Variants in POFUT1 observed in about 807,000 individuals in gnomAD.
POFUT1 encodes the protein protein O-fucosyltransferase 1, also known as GDP-fucose protein O-fucosyltransferase 1.
POFUT1 carries 16 observed loss-of-function variants against 42.4 expected under a neutral mutation model. The ratio of observed to expected loss-of-function variants is 0.38; its 90% CI spans 0.26 to 0.57. The LOEUF (loss-of-function observed/expected upper bound fraction) is 0.57. POFUT1 is among the 20% of genes least tolerant of loss of function. The probability of loss-of-function intolerance (pLI) is 0.71; values close to 1 mark genes in which losing one functional copy is unlikely to be tolerated. For missense variants in POFUT1, 470 were observed against 504.6 expected, an observed-to-expected ratio of 0.93 and a Z score of 0.66; for synonymous variants, 206 against 205.4, an observed-to-expected ratio of 1.00 and a Z score of -0.03.
intron 6 of POFUT1, chr20:32,231,267 C>A: frequency 1.7e-6 from 1 of 581,838 alleles, no homozygotes; most frequent in Non-Finnish European, 3.0e-6. Flanking sequence ...TCCTGGAGCT[C>A]ACGTATCCCT....
chr20:32,209,181 C>G (rs1430614988), intron 1 of POFUT1, among the ~76,000 whole-genome samples: 2 of 152,202 alleles, frequency 1.3e-5, no homozygotes, highest in Non-Finnish European at 2.9e-5. Flanking sequence ...TGCACTGCTG[C>G]AGGTGGCGGT....
At chr20:32,218,274 G>A (rs2047372737) in intron 4 of POFUT1, among the ~76,000 whole-genome samples, 1 of 152,186 alleles carries the variant, frequency 6.6e-6, no homozygotes, top group East Asian at 1.9e-4. Context: ...GCAGCTGGGA[G>A]TGCAGGCATG....
intron 4 of POFUT1, among the ~76,000 whole-genome samples, chr20:32,220,266 T>G (rs1441251387): frequency 2.0e-5 from 3 of 152,270 alleles, no homozygotes; most frequent in Admixed American, 6.5e-5. Flanking sequence ...CTCATGTGGC[T>G]GCAGTCAGCT....
At chr20:32,219,846 A>G (rs746323317) in intron 4 of POFUT1, among the ~76,000 whole-genome samples, 8 of 152,192 alleles carry the variant, frequency 5.3e-5, no homozygotes, top group Non-Finnish European at 1.0e-4. Context: ...AACTGGGCTT[A>G]GCTGGGCAAT....
intron 4 of POFUT1, among the ~76,000 whole-genome samples, chr20:32,219,046 A>G (rs1207004791): frequency 2.0e-5 from 3 of 152,128 alleles, no homozygotes; most frequent in Non-Finnish European, 4.4e-5. Flanking sequence ...CCTTCAACAC[A>G]TATTTAAGAA....
chr20:32,228,466 C>A lies in POFUT1; in HGVS notation c.735+11C>A, dbSNP rs543224684. ...ATTGGCTCTGACTGGGTAACTTCCC[C>A]CTTCCTCTCTCACTGGCTAACTTGG... is the stretch of plus-strand genomic sequence containing the variant. On this transcript the variant is annotated intron_variant, in intron 5 of 6. Transcript: ENST00000375749. The A allele has an allele frequency of 7.1e-5, 114 of 1,611,638 alleles. No individual in the cohort carries two copies. Among genetic ancestry groups the A allele is most frequent in the Admixed American group, 3.2e-4 (19 of 59,950 alleles).
chr20:32,210,262 C>G (rs2047320412), intron 2 of POFUT1, 70 bp downstream of exon 2: 3 of 1,548,640 alleles, frequency 1.9e-6, no homozygotes, highest in Admixed American at 1.7e-5. Context: ...ACTTAACCCT[C>G]AAGTCCTCTG....
At chr20:32,217,008 G>A in intron 4 of POFUT1, 1 of 1,613,846 alleles carries the variant, frequency 6.2e-7, no homozygotes, top group Non-Finnish European at 8.5e-7. Flanking sequence ...CCTCCTCTAG[G>A]CGTGAGAATC....
intron 5 of POFUT1, among the ~76,000 whole-genome samples, chr20:32,229,131 G>A (rs926189830): frequency 1.3e-5 from 2 of 152,210 alleles, no homozygotes; most frequent in Non-Finnish European, 2.9e-5. Context: ...GATGTCTTAT[G>A]AGTGGCTCCA....
At chr20:32,227,829 A>G (rs1415824945) in intron 4 of POFUT1, among the ~76,000 whole-genome samples, 1 of 152,174 alleles carries the variant, frequency 6.6e-6, no homozygotes, top group Admixed American at 6.5e-5. Context: ...TCCAGTATAC[A>G]TAGTCCCTGT....
chr20:32,222,731 C>T (rs980183630), intron 4 of POFUT1: 38 of 985,298 alleles, frequency 3.9e-5, no homozygotes, highest in South Asian at 9.4e-5. Context: ...CAGCTCTGCT[C>T]GTTCTGAGCC....
chr20:32,233,410 G>T (rs756105602), intron 6 of POFUT1, among the ~76,000 whole-genome samples: 1 of 152,136 alleles, frequency 6.6e-6, no homozygotes, highest in Non-Finnish European at 1.5e-5. Flanking sequence ...GCGGGAGCCT[G>T]GGTAGGGGCT....
chr20:32,223,923 C>T (rs117835725), intron 4 of POFUT1, among the ~76,000 whole-genome samples: 2,601 of 152,234 alleles, frequency 0.017, 34 homozygotes, highest in Non-Finnish European at 0.028. Context: ...ACCTTGGGCA[C>T]GTTACTTAAC....
intron 6 of POFUT1, chr20:32,231,342 G>T: frequency 2.4e-6 from 1 of 412,866 alleles, no homozygotes; most frequent in South Asian, 2.3e-5. Context: ...TATGAGACTG[G>T]TGTAGAAATA....
intron 6 of POFUT1, among the ~76,000 whole-genome samples, chr20:32,232,199 G>A (rs2047446899): frequency 6.6e-6 from 1 of 152,100 alleles, no homozygotes; most frequent in Non-Finnish European, 1.5e-5. Flanking sequence ...AGCTGGGGCT[G>A]GGCACAGTGG....
rs1438699339 is a variant in POFUT1, at chr20:32,207,992, G to T, written c.51G>T (p.Leu17=). The T allele has an allele frequency of 1.3e-5, 21 of 1,593,562 alleles. No individual in the cohort carries two copies. The highest frequency in any genetic ancestry group is 1.7e-5 in the Non-Finnish European group (20 of 1,175,172). ...ARPLSVSFLL[L]LLPLPGMPAG... ...CGCTGAGCGTGTCTTTCCTGCTGCT[G>T]CTTCTGCCGCTCCCGGGGATGCCTG... Residue 17 remains leucine, a synonymous_variant, in exon 1 of 7, where the codon CTG becomes CTT. Coordinates refer to ENST00000375749, the MANE Select transcript of POFUT1 (RefSeq NM_015352.2).
chr20:32,216,947 G>T (rs2047364589), intron 4 of POFUT1: 1 of 1,605,280 alleles, frequency 6.2e-7, no homozygotes, highest in East Asian at 2.2e-5. Flanking sequence ...TTCATCGGTT[G>T]ATAAGGGATG....
chr20:32,222,686 T>C, intron 4 of POFUT1: 3 of 985,394 alleles, frequency 3.0e-6, no homozygotes, highest in Non-Finnish European at 3.6e-6. Flanking sequence ...ATAAGAGGTA[T>C]TTCTTCTTTA....
chr20:32,234,622 C>G lies in POFUT1; in HGVS notation c.1128C>G (p.Phe376Leu), dbSNP rs749866179. Residue 376 changes from phenylalanine to leucine, a missense_variant, in exon 7 of 7, where the codon TTC becomes TTG. Phe to Leu is a conservative substitution (Grantham distance 22, BLOSUM62 0). Coordinates refer to ENST00000375749, the MANE Select transcript of POFUT1 (RefSeq NM_015352.2). ...TCCAGGGGAGGCCGTCTTCTTTCTT[C>G]GGCATGGACAGGCCCCCTAAGCTGC... The part of the protein sequence containing the change: ...RDLQGRPSSF[F>L]GMDRPPKLRD... The G allele has an allele frequency of 6.2e-7, 1 of 1,613,434 alleles. No homozygotes were observed. Among genetic ancestry groups the G allele is most frequent in the Non-Finnish European group, 8.5e-7 (1 of 1,179,724 alleles).
Sources: allele counts gnomAD v4.1 joint callset (sites outside exome capture counted in the v4.1 genomes callset), GRCh38; gene constraint gnomAD v4.1.1; transcripts MANE v1.5; gene names NCBI Gene and HGNC (gene_info 2026-07-23, HGNC 2026-07-21).